The following CACNA1C variants were observed in gnomAD, a reference collection of about 807,000 sequenced individuals.
CACNA1C encodes the protein voltage-dependent L-type calcium channel subunit alpha-1C.
In CACNA1C, 30 loss-of-function variants were observed where a neutral mutation model predicts 229.0. That is an observed-to-expected ratio of 0.13 (90% CI 0.10 to 0.18). CACNA1C has a LOEUF of 0.18. CACNA1C is among the 10% of genes least tolerant of loss of function. CACNA1C has a pLI of 1.00. For missense variants in CACNA1C, 1,658 were observed against 2,845.0 expected (o/e 0.58, Z 9.49); for synonymous variants, 1,114 against 1,132.5 (o/e 0.98, Z 0.33).
chr12:2,533,781 C>T (rs1230560520), intron 9 of CACNA1C, among the ~76,000 whole-genome samples: 2 of 152,118 alleles, frequency 1.3e-5, no homozygotes, highest in Non-Finnish European at 2.9e-5. Flanking sequence ...AGAAGGCCTG[C>T]GTCCCTGTCC....
intron 3 of CACNA1C, among the ~76,000 whole-genome samples, chr12:2,437,055 A>G (rs2099141710): frequency 1.3e-5 from 2 of 152,250 alleles, no homozygotes; most frequent in African/African-American, 4.8e-5. Context: ...GTCTTTCTGA[A>G]TCAATGAGAA....
At chr12:2,087,319 C>T (rs2068083424) in intron 1 of CACNA1C, among the ~76,000 whole-genome samples, 1 of 152,164 alleles carries the variant, frequency 6.6e-6, no homozygotes, top group Non-Finnish European at 1.5e-5. Flanking sequence ...GGGGAGAGTC[C>T]TTTCACTCTG....
chr12:2,513,622 A>C (rs1473410217), intron 9 of CACNA1C, among the ~76,000 whole-genome samples: 3 of 152,234 alleles, frequency 2.0e-5, no homozygotes, highest in African/African-American at 7.2e-5. Context: ...TGTGGCTGAG[A>C]TAGAAATGAA....
At chr12:2,254,886 T>A (rs1000901283) in intron 3 of CACNA1C, among the ~76,000 whole-genome samples, 1 of 152,244 alleles carries the variant, frequency 6.6e-6, no homozygotes, top group Non-Finnish European at 1.5e-5. Flanking sequence ...TTCACTTGGA[T>A]GGCAGTTGAG....
At chr12:2,667,841 G>A (rs568124604) in intron 37 of CACNA1C, among the ~76,000 whole-genome samples, 14 of 152,286 alleles carry the variant, frequency 9.2e-5, no homozygotes, top group Admixed American at 2.6e-4. Flanking sequence ...GGAGGTCACC[G>A]TGTGAGCTGA....
chr12:2,118,710 C>T (rs2075814932), intron 2 of CACNA1C, among the ~76,000 whole-genome samples: 1 of 152,206 alleles, frequency 6.6e-6, no homozygotes, highest in South Asian at 2.1e-4. Context: ...CCAGCATCAG[C>T]GTCTGTCTCC....
chr12:2,311,151 C>T (rs1469295209), intron 3 of CACNA1C, among the ~76,000 whole-genome samples: 2 of 152,154 alleles, frequency 1.3e-5, no homozygotes, highest in African/African-American at 4.8e-5. Flanking sequence ...TTGGGGGAAG[C>T]CAGTGTCACC....
At chr12:2,428,928 C>T (rs765573146) in intron 3 of CACNA1C, among the ~76,000 whole-genome samples, 12 of 152,154 alleles carry the variant, frequency 7.9e-5, no homozygotes, top group Non-Finnish European at 1.2e-4. Context: ...AGGTTGCTGT[C>T]ACAAAGTACC....
At chr12:2,308,921 A>G (rs2095260128) in intron 3 of CACNA1C, among the ~76,000 whole-genome samples, 1 of 152,176 alleles carries the variant, frequency 6.6e-6, no homozygotes, top group Non-Finnish European at 1.5e-5. Flanking sequence ...CCATTATGGA[A>G]AACAACATGG....
chr12:2,201,303 A>T (rs1270724760), intron 3 of CACNA1C, among the ~76,000 whole-genome samples: 1 of 152,242 alleles, frequency 6.6e-6, no homozygotes, highest in Non-Finnish European at 1.5e-5. Flanking sequence ...CTGAAAGATC[A>T]CTTTAATTTC....
At chr12:2,233,022 C>A (rs1269530500) in intron 3 of CACNA1C, among the ~76,000 whole-genome samples, 12 of 152,200 alleles carry the variant, frequency 7.9e-5, no homozygotes, top group Non-Finnish European at 1.5e-4. Context: ...TCAACTGTTA[C>A]TCCAAGGAGT....
intron 9 of CACNA1C, among the ~76,000 whole-genome samples, chr12:2,537,657 GACACC>G (rs1239930159): frequency 6.6e-6 from 1 of 152,170 alleles, no homozygotes; most frequent in African/African-American, 2.4e-5. Context: ...CACTTAAAAG[GACACC>G]ACTAATGTCC....
chr12:2,272,118 C>G (rs540650317), intron 3 of CACNA1C, among the ~76,000 whole-genome samples: 1 of 152,170 alleles, frequency 6.6e-6, no homozygotes, highest in Admixed American at 6.5e-5. Flanking sequence ...GCTCACAACC[C>G]CTCAGTGAGT....
intron 13 of CACNA1C, among the ~76,000 whole-genome samples, chr12:2,579,102 G>C (rs1234993114): frequency 6.6e-6 from 1 of 152,076 alleles, no homozygotes; most frequent in East Asian, 1.9e-4. Flanking sequence ...CTTGCTGACG[G>C]CACCTGGCCC....
intron 5 of CACNA1C, among the ~76,000 whole-genome samples, chr12:2,476,686 A>G (rs1235921046): frequency 6.6e-6 from 1 of 152,192 alleles, no homozygotes; most frequent in Non-Finnish European, 1.5e-5. Flanking sequence ...GAAGGCTGAT[A>G]TTTTAATTAC....
intron 1 of CACNA1C, among the ~76,000 whole-genome samples, chr12:2,096,463 C>T (rs79860602): frequency 0.03 from 4,541 of 152,250 alleles, 116 homozygotes; most frequent in Non-Finnish European, 0.044. Flanking sequence ...ATGCCTTCCC[C>T]TCTGGTTCTT....
intron 3 of CACNA1C, among the ~76,000 whole-genome samples, chr12:2,168,334 T>A (rs764247113): frequency 1.3e-5 from 2 of 152,200 alleles, no homozygotes; most frequent in Non-Finnish European, 2.9e-5. Context: ...AATTCAGTTT[T>A]TGTCCTCTGG....
At chr12:2,197,932 G>A (rs2097459101) in intron 3 of CACNA1C, among the ~76,000 whole-genome samples, 1 of 152,168 alleles carries the variant, frequency 6.6e-6, no homozygotes, top group Non-Finnish European at 1.5e-5. Flanking sequence ...CGAAGCTGTG[G>A]TTTCATTTGG....
In CACNA1C at chr12:2,125,153, C is replaced by T. The variant is rs377508153; in HGVS notation, c.477+4723C>T. 4.7e-4 allele frequency among the ~76,000 whole-genome samples: 71 copies of T among 152,218 alleles called. 1 individual carries two copies. The South Asian group carries it at 0.014, about 31-fold the overall frequency. ...CTTAGCCTGAGAGGTAGGAGGGGAA[C>T]CTGCTGAGAGTGGAGTCTTAGAAGC... On this transcript the variant is annotated intron_variant, in intron 3 of 46. Coordinates refer to ENST00000399655, the MANE Select transcript of CACNA1C (RefSeq NM_000719.7).
Sources: gnomAD v4.1 joint callset for allele counts (sites outside exome capture counted in the v4.1 genomes callset) on GRCh38, gnomAD v4.1.1 for gene constraint, MANE v1.5 for transcripts, NCBI Gene and HGNC (gene_info 2026-07-23, HGNC 2026-07-21) for gene names.